Variants in ABCB5 observed in about 807,000 individuals in gnomAD.
ABCB5 encodes ATP binding cassette subfamily B member 5.
A neutral mutation model predicts 144.2 loss-of-function variants in ABCB5; 155 were observed. That is an observed-to-expected ratio of 1.08 (90% CI 0.94 to 1.23). The LOEUF is 1.23. Ranked by LOEUF, ABCB5 falls within the 50% of genes most tolerant of loss-of-function variation. The pLI is 0.00. For synonymous variants in ABCB5, 610 were observed against 528.6 expected, an observed-to-expected ratio of 1.15 and a Z score of -2.11; for missense variants, 1,830 against 1,520.8, an observed-to-expected ratio of 1.20 and a Z score of -3.38.
intron 23 of ABCB5, among the ~76,000 whole-genome samples, chr7:20,731,882 C>T (rs537256126): frequency 1.3e-5 from 2 of 152,304 alleles, no homozygotes; most frequent in South Asian, 2.1e-4. Context: ...ACTGCAACAA[C>T]CTCACCAATG....
chr7:20,617,367 G>A (rs1783711407), intron 1 of ABCB5, among the ~76,000 whole-genome samples: 1 of 152,186 alleles, frequency 6.6e-6, no homozygotes, highest in Non-Finnish European at 1.5e-5. Context: ...TCTTTAACAT[G>A]CACTCCAGGT....
chr7:20,752,463 T>C (rs564941299), intron 26 of ABCB5, among the ~76,000 whole-genome samples: 1 of 152,356 alleles, frequency 6.6e-6, no homozygotes, highest in South Asian at 2.1e-4. Context: ...GAAATTGGGT[T>C]ATTAGTAAGT....
chr7:20,696,620 A>G (rs1411929143), intron 16 of ABCB5, among the ~76,000 whole-genome samples: 2 of 152,262 alleles, frequency 1.3e-5, no homozygotes, highest in East Asian at 3.9e-4. Context: ...TCTAAGCTGT[A>G]TCAAATGAAA....
chr7:20,678,239 TC>T (rs988931889), intron 14 of ABCB5, among the ~76,000 whole-genome samples: 73 of 152,348 alleles, frequency 4.8e-4, no homozygotes, highest in African/African-American at 1.7e-3. Context: ...ATACATCTTT[TC>T]CACATTATCA....
intron 20 of ABCB5, among the ~76,000 whole-genome samples, chr7:20,708,935 A>G (rs1786915769): frequency 6.6e-6 from 1 of 152,110 alleles, no homozygotes; most frequent in Non-Finnish European, 1.5e-5. Flanking sequence ...TACTTGTTCC[A>G]CAGAAACTAT....
At chr7:20,715,842 C>G (rs148793777) in intron 20 of ABCB5, among the ~76,000 whole-genome samples, 2 of 152,024 alleles carry the variant, frequency 1.3e-5, no homozygotes, top group Non-Finnish European at 2.9e-5. Flanking sequence ...GCCTCAGCCT[C>G]TCAATTAGCT....
In ABCB5 at chr7:20,620,222, C is replaced by T. The variant is rs558176803; in HGVS notation, c.-21-3043C>T. Among the ~76,000 whole-genome samples, 13 of 152,198 alleles carry T rather than the reference C, an allele frequency of 8.5e-5. No individual in the cohort carries two copies. In the South Asian group the frequency reaches 2.5e-3, roughly 29 times the overall value. ...CCACATTCAAAAGAATGAAGTTGAA[C>T]TCTTACTTTACACCATATAAAAAAC... On this transcript the variant is annotated intron_variant, in intron 1 of 27. Coordinates refer to ENST00000404938, the MANE Select transcript of ABCB5 (RefSeq NM_001163941.2).
rs148218772 is a variant in ABCB5, at chr7:20,743,772, G to A, written c.3222+698G>A. ...ATGTTAGTCCTCATTCTCCTGCAAC[G>A]TACAGTCTTTTCGCCCTTACAGATT... On this transcript the variant is annotated intron_variant, in intron 25 of 27. Coordinates refer to ENST00000404938, the MANE Select transcript of ABCB5 (RefSeq NM_001163941.2). Among the ~76,000 whole-genome samples, 16 of 152,116 alleles carry A rather than the reference G, an allele frequency of 1.1e-4. No homozygotes were observed. The East Asian group carries it at 2.5e-3, about 24-fold the overall frequency.
chr7:20,747,686 G>T (rs1253804612), intron 26 of ABCB5, among the ~76,000 whole-genome samples: 1 of 152,076 alleles, frequency 6.6e-6, no homozygotes, highest in African/African-American at 2.4e-5. Flanking sequence ...TGAAAACTAA[G>T]ATGTTATTTC....
intron 26 of ABCB5, among the ~76,000 whole-genome samples, chr7:20,746,445 G>A (rs1163802976): frequency 1.3e-5 from 2 of 152,160 alleles, no homozygotes; most frequent in South Asian, 4.1e-4. Flanking sequence ...CTTTGCAGAG[G>A]CTTTCCCTAA....
At chr7:20,630,232 T>C (rs1244074294) in intron 4 of ABCB5, among the ~76,000 whole-genome samples, 1 of 152,192 alleles carries the variant, frequency 6.6e-6, no homozygotes, top group Non-Finnish European at 1.5e-5. Flanking sequence ...TAAATACTTA[T>C]TATAACTGGG....
chr7:20,733,055 T>C (rs756897612), intron 23 of ABCB5, among the ~76,000 whole-genome samples: 64 of 152,228 alleles, frequency 4.2e-4, no homozygotes, highest in Non-Finnish European at 7.6e-4. Flanking sequence ...GTTCCCATTT[T>C]ACAGATGAGA....
intron 20 of ABCB5, among the ~76,000 whole-genome samples, chr7:20,717,598 A>G (rs1279856461): frequency 6.6e-6 from 1 of 151,770 alleles, no homozygotes; most frequent in Non-Finnish European, 1.5e-5. Context: ...ACGCACCACC[A>G]TGCCCGGCTA....
At chr7:20,669,457 C>T (rs1583413146) in intron 14 of ABCB5, among the ~76,000 whole-genome samples, 1 of 136,172 alleles carries the variant, frequency 7.3e-6, no homozygotes, top group African/African-American at 3.0e-5. Flanking sequence ...GAAACATGTG[C>T]TGTGTCCACT....
chr7:20,711,849 C>CT (rs1486175655), intron 20 of ABCB5, among the ~76,000 whole-genome samples: 15 of 60,730 alleles, frequency 2.5e-4, no homozygotes, highest in South Asian at 6.8e-4. Flanking sequence ...TCTTTCTTTT[C>CT]TTTCTTTCTT....
chr7:20,677,761 T>G (rs1785663020), intron 14 of ABCB5, among the ~76,000 whole-genome samples: 1 of 152,082 alleles, frequency 6.6e-6, no homozygotes, highest in Non-Finnish European at 1.5e-5. Flanking sequence ...TTTATAAAAG[T>G]ACCCTTTGCC....
intron 2 of ABCB5, among the ~76,000 whole-genome samples, chr7:20,625,297 G>A (rs1783885167): frequency 1.3e-5 from 2 of 152,124 alleles, no homozygotes; most frequent in African/African-American, 2.4e-5. Context: ...GAGAGGAGCC[G>A]GATGTTTGTC....
In ABCB5 at chr7:20,647,273, A is replaced by T. The variant is rs1784432839; in HGVS notation, c.982-262A>T. The T allele has an allele frequency of 1.8e-5, 22 of 1,199,386 alleles. No individual in the cohort carries two copies. In the South Asian group the frequency reaches 5.3e-4, roughly 29 times the overall value. 74.3% of individuals were successfully genotyped at this position (1,199,386 alleles called of 1,614,324 possible). On this transcript the variant is annotated intron_variant, in intron 9 of 27. Transcript: ENST00000404938. ...CATCCCAGCATGTGATAACCACAAG[A>T]CTATGAGATAATCAAAAGTTGTTCC...
chr7:20,663,977 A>G (rs13223600), intron 14 of ABCB5, among the ~76,000 whole-genome samples: 29,382 of 151,634 alleles, frequency 0.19, 4,267 homozygotes, highest in African/African-American at 0.4. Flanking sequence ...CGGCCTCCCA[A>G]AGTGCTGGGT....
Sources: gnomAD v4.1 joint callset for allele counts (sites outside exome capture counted in the v4.1 genomes callset) on GRCh38, gnomAD v4.1.1 for gene constraint, MANE v1.5 for transcripts, NCBI Gene and HGNC (gene_info 2026-07-23, HGNC 2026-07-21) for gene names.